CHN2: variants seen among roughly 807,000 people sequenced by gnomAD.
CHN2 encodes the protein beta-chimaerin.
CHN2 carries 35 observed loss-of-function variants against 56.3 expected under a neutral mutation model. The ratio of observed to expected loss-of-function variants is 0.62; its 90% confidence interval spans 0.47 to 0.82. The LOEUF is 0.82. CHN2 is among the 40% of genes least tolerant of loss of function. The pLI, the probability that CHN2 is intolerant of heterozygous loss-of-function variation, is 0.00. For missense variants in CHN2, 491 were observed against 580.5 expected, an observed-to-expected ratio of 0.85 and a Z score of 1.58; for synonymous variants, 210 against 212.8, an observed-to-expected ratio of 0.99 and a Z score of 0.12.
At chr7:29,364,383 C>G (rs1320331682) in intron 2 of CHN2, among the ~76,000 whole-genome samples, 1 of 152,200 alleles carries the variant, frequency 6.6e-6, no homozygotes, top group African/African-American at 2.4e-5. Context: ...CCTTTGCCAC[C>G]TCCATTAACA....
At chr7:29,195,651 A>T (rs62444106) in intron 1 of CHN2, among the ~76,000 whole-genome samples, 14,999 of 126,538 alleles carry the variant, frequency 0.12, 866 homozygotes, top group East Asian at 0.25. Flanking sequence ...TGTGTGTGTG[A>T]GAGAGAGAGA....
At chr7:29,329,027 A>C (rs1433689550) in intron 1 of CHN2, among the ~76,000 whole-genome samples, 1 of 152,180 alleles carries the variant, frequency 6.6e-6, no homozygotes, top group Non-Finnish European at 1.5e-5. Flanking sequence ...TCATACTTAA[A>C]AGGGCCACAT....
At chr7:29,397,260 G>A (rs1801830638) in intron 4 of CHN2, 1 of 152,182 alleles carries the variant, frequency 6.6e-6, no homozygotes, top group Non-Finnish European at 1.5e-5. Context: ...TATTGTGATA[G>A]GCACTTTTAA....
At chr7:29,273,386 T>TATAC (rs201813940) in intron 1 of CHN2, among the ~76,000 whole-genome samples, 27 of 47,686 alleles carry the variant, frequency 5.7e-4, no homozygotes, top group African/African-American at 2.7e-3. Flanking sequence ...TATATATATA[T>TATAC]ATACACACAC....
intron 1 of CHN2, among the ~76,000 whole-genome samples, chr7:29,339,335 A>G (rs1184170837): frequency 6.6e-6 from 1 of 151,888 alleles, no homozygotes; most frequent in Non-Finnish European, 1.5e-5. Flanking sequence ...GGCCACCCAG[A>G]TCTCCTCTGC....
chr7:29,194,363 T>C (rs1284391172), upstream of CHN2: 1 of 151,294 alleles, frequency 6.6e-6, no homozygotes, highest in Non-Finnish European at 1.5e-5. Context: ...TGGCGGGAGC[T>C]GTCAAGCCCG....
chr7:29,404,114 C>T (rs1358913128), intron 6 of CHN2, among the ~76,000 whole-genome samples: 1 of 152,156 alleles, frequency 6.6e-6, no homozygotes, highest in Non-Finnish European at 1.5e-5. Flanking sequence ...GCAGTTGTGC[C>T]TCATTCTGTG....
At chr7:29,211,450 GCACA>G (rs148200755) in intron 1 of CHN2, among the ~76,000 whole-genome samples, 19,751 of 138,260 alleles carry the variant, frequency 0.14, 1,757 homozygotes, top group African/African-American at 0.28. Flanking sequence ...CTGCATGTTG[GCACA>G]CACACACACA....
chr7:29,167,940 C>G (rs913027884), intron 2 of CHN2, among the ~76,000 whole-genome samples: 2 of 152,164 alleles, frequency 1.3e-5, no homozygotes, highest in East Asian at 3.9e-4. Context: ...CCTACAACAT[C>G]GGAGGTAACT....
At chr7:29,208,557 C>T (rs1039217034) in intron 1 of CHN2, among the ~76,000 whole-genome samples, 1 of 152,092 alleles carries the variant, frequency 6.6e-6, no homozygotes, top group Non-Finnish European at 1.5e-5. Flanking sequence ...CTGGCCTCTG[C>T]GGTTCCCCTG....
chr7:29,191,089 C>T (rs245921), upstream of CHN2, among the ~76,000 whole-genome samples: 9,597 of 152,068 alleles, frequency 0.063, 462 homozygotes, highest in African/African-American at 0.14. Flanking sequence ...TTAACTACAA[C>T]GCCTGGCTAA....
intron 12 of CHN2, among the ~76,000 whole-genome samples, chr7:29,510,717 CCTATTG>C (rs1791213956): frequency 6.6e-6 from 1 of 152,186 alleles, no homozygotes; most frequent in South Asian, 2.1e-4. Context: ...GAAGTGACAT[CCTATTG>C]CTTTTACCGT....
At chr7:29,378,478 T>A (rs965092615) in intron 3 of CHN2, among the ~76,000 whole-genome samples, 1 of 152,224 alleles carries the variant, frequency 6.6e-6, no homozygotes, top group East Asian at 1.9e-4. Flanking sequence ...GAGACTGTTT[T>A]GGTAAATAAA....
At chr7:29,280,383 CATAAATAAATA>C (rs757081785) in intron 1 of CHN2, among the ~76,000 whole-genome samples, 21 of 150,422 alleles carry the variant, frequency 1.4e-4, no homozygotes, top group African/African-American at 4.1e-4. Context: ...GGCTCCGTCT[CATAAATAAATA>C]AATAAATAAA....
chr7:29,283,966 A>C (rs1478396067), intron 1 of CHN2, among the ~76,000 whole-genome samples: 3 of 112,350 alleles, frequency 2.7e-5, no homozygotes, highest in African/African-American at 7.1e-5. Flanking sequence ...ACACAGTCTC[A>C]CTCTGGAGTG....
chr7:29,445,947 A>C (rs1369647078), intron 6 of CHN2, among the ~76,000 whole-genome samples: 1 of 151,888 alleles, frequency 6.6e-6, no homozygotes, highest in Non-Finnish European at 1.5e-5. Context: ...GTGGAGCCGG[A>C]AGTGGCTACT....
At chr7:29,309,802 C>T (rs1324348258) in intron 1 of CHN2, among the ~76,000 whole-genome samples, 2 of 152,248 alleles carry the variant, frequency 1.3e-5, no homozygotes, top group African/African-American at 4.8e-5. Flanking sequence ...CTTTGCCACG[C>T]AGGCTGGTTG....
chr7:29,507,709 TC>T (rs1352974580), intron 11 of CHN2, among the ~76,000 whole-genome samples: 3 of 152,084 alleles, frequency 2.0e-5, no homozygotes, highest in Admixed American at 6.6e-5. Flanking sequence ...GGGTATCCAA[TC>T]TTTTGTCTTC....
intron 9 of CHN2, among the ~76,000 whole-genome samples, chr7:29,500,798 G>C (rs1257520807): frequency 6.6e-6 from 1 of 152,162 alleles, no homozygotes; most frequent in Non-Finnish European, 1.5e-5. Flanking sequence ...TTATTTCGAA[G>C]AGGAGAGTTC....
Sources: allele counts gnomAD v4.1 joint callset (sites outside exome capture counted in the v4.1 genomes callset), GRCh38; gene constraint gnomAD v4.1.1; transcripts MANE v1.5; gene names NCBI Gene and HGNC (gene_info 2026-07-23, HGNC 2026-07-21).